GABRA4: variants seen among roughly 807,000 people sequenced by gnomAD.
GABRA4 encodes gamma-aminobutyric acid type A receptor subunit alpha4, also known as gamma-aminobutyric acid receptor subunit alpha-4.
Under a neutral mutation model 49.7 loss-of-function variants are expected in GABRA4, and 12 were observed. The observed-to-expected ratio is 0.24, with a 90% CI of 0.15 to 0.39. The LOEUF (loss-of-function observed/expected upper bound fraction) is 0.39. GABRA4 is among the 10% of genes least tolerant of loss of function. The pLI, the probability that GABRA4 is intolerant of heterozygous loss-of-function variation, is 1.00. For missense variants in GABRA4, 506 were observed against 686.0 expected (o/e 0.74, Z 2.93); for synonymous variants, 288 against 240.2 (o/e 1.20, Z -1.84).
At chr4:46,959,862 G>A (rs1577771057) in intron 8 of GABRA4, among the ~76,000 whole-genome samples, 2 of 149,910 alleles carry the variant, frequency 1.3e-5, no homozygotes, top group South Asian at 4.2e-4. Flanking sequence ...ATGTGTGTGT[G>A]TGAGTGTGTC....
chr4:46,980,525 T>C (rs920938223), intron 2 of GABRA4, among the ~76,000 whole-genome samples: 1 of 152,046 alleles, frequency 6.6e-6, no homozygotes, highest in Non-Finnish European at 1.5e-5. Context: ...AATGAGAAAA[T>C]TCTTTACTGA....
At position 46,962,927 on chromosome 4, in the gene GABRA4, C is replaced by T. The variant is rs969927004; in HGVS notation, c.1134+2043G>A. Reference sequence around the variant, plus strand: ...CATACGCAGAAGAATGAAAATAGACCCCTATCTCTGCCATATACAAGAATC... The same window carrying T: ...CATACGCAGAAGAATGAAAATAGACTCCTATCTCTGCCATATACAAGAATC... On this transcript the variant is annotated intron_variant, in intron 8 of 8. Transcript: ENST00000264318. Among the ~76,000 whole-genome samples the T allele has an allele frequency of 7.9e-5, 12 of 151,770 alleles. No homozygotes were observed. The East Asian group carries it at 2.3e-3, about 30-fold the overall frequency.
At chr4:46,972,958 C>T (rs1406593215) in intron 6 of GABRA4, among the ~76,000 whole-genome samples, 2 of 151,754 alleles carry the variant, frequency 1.3e-5, no homozygotes, top group Non-Finnish European at 1.5e-5. Context: ...CATTTTATCT[C>T]GCAGTCAACA....
rs575804220 is a variant in GABRA4, at chr4:46,919,716, G to A, written c.*8509C>T. 9 of 151,680 alleles carry A rather than the reference G, an allele frequency of 5.9e-5. No individual in the cohort carries two copies. The highest frequency in any genetic ancestry group is 1.7e-4 in the African/African-American group (7 of 41,528). The allele number at this position is 151,680 out of a possible 1,614,324, so 9.4% of individuals were successfully genotyped here. A position where few individuals can be genotyped will look rare whatever the true frequency, so the allele number is the denominator to read the frequency against. On this transcript the variant is annotated 3_prime_UTR_variant, in exon 9 of 9. Coordinates refer to ENST00000264318, the MANE Select transcript of GABRA4 (RefSeq NM_000809.4). ...ATTCCTCAGTTTGTACAACACTTCA[G>A]CTGAGAAATCAAAGAAAAGCTTTAT...
intron 8 of GABRA4, among the ~76,000 whole-genome samples, chr4:46,930,155 G>C (rs1721379323): frequency 6.6e-6 from 1 of 152,030 alleles, no homozygotes; most frequent in South Asian, 2.1e-4. Flanking sequence ...CATTCGTCAT[G>C]TCAGCTTGTA....
intron 8 of GABRA4, 151 bp downstream of exon 8, chr4:46,964,819 A>T: frequency 1.3e-6 from 1 of 776,100 alleles, no homozygotes; most frequent in Non-Finnish European, 2.0e-6. Context: ...CATAAAGTTT[A>T]AGCTCATACA....
chr4:46,959,829 T>G (rs537064843), intron 8 of GABRA4, among the ~76,000 whole-genome samples: 1 of 134,772 alleles, frequency 7.4e-6, no homozygotes, highest in South Asian at 2.3e-4. Flanking sequence ...TATATATATA[T>G]ATATATGTGT....
intron 3 of GABRA4, among the ~76,000 whole-genome samples, chr4:46,978,716 A>AAAAG (rs1244231326): frequency 6.7e-6 from 1 of 149,592 alleles, no homozygotes; most frequent in African/African-American, 2.4e-5. Context: ...AAAAAAAAGA[A>AAAAG]AAAGAAAGAA....
At chr4:46,959,922 TTAG>T (rs1722513564) in intron 8 of GABRA4, among the ~76,000 whole-genome samples, 1 of 150,848 alleles carries the variant, frequency 6.6e-6, no homozygotes, top group Non-Finnish European at 1.5e-5. Flanking sequence ...TTGAGGAGTG[TTAG>T]TAGCTACATG....
rs1237521338 is a variant in GABRA4, at chr4:46,964,376, ATAACT to A, written c.1134+589_1134+593del. ...CACAACAGAGCAACTATAGCCAATA[ATAACT>A]TAATTTTACATTTTGAAATAACTTA... On this transcript the variant is annotated intron_variant, in intron 8 of 8. Coordinates refer to ENST00000264318, the MANE Select transcript of GABRA4 (RefSeq NM_000809.4). Among the ~76,000 whole-genome samples, 4 of 151,958 alleles carry A rather than the reference ATAACT, an allele frequency of 2.6e-5. No individual in the cohort carries two copies. The East Asian group carries it at 7.8e-4, about 30-fold the overall frequency.
At chr4:46,974,450 A>G (rs1429879367) in intron 5 of GABRA4, 75 bp from the exon 6 acceptor site, 2 of 1,346,500 alleles carry the variant, frequency 1.5e-6, no homozygotes, top group Non-Finnish European at 2.0e-6. Context: ...ACTTAAAAAC[A>G]GTACTTGTTC....
chr4:46,952,593 G>C (rs569535971), intron 8 of GABRA4, among the ~76,000 whole-genome samples: 23 of 152,178 alleles, frequency 1.5e-4, no homozygotes, highest in African/African-American at 5.1e-4. Context: ...GAGATTTAGC[G>C]ATGTATATTA....
At chr4:46,955,494 G>C (rs141106149) in intron 8 of GABRA4, among the ~76,000 whole-genome samples, 2 of 151,590 alleles carry the variant, frequency 1.3e-5, no homozygotes, top group Non-Finnish European at 2.9e-5. Context: ...TTACTTTTTC[G>C]CATTTCAAAG....
chr4:46,943,455 C>T (rs1430306972), intron 8 of GABRA4, among the ~76,000 whole-genome samples: 1 of 152,120 alleles, frequency 6.6e-6, no homozygotes, highest in Non-Finnish European at 1.5e-5. Context: ...CCTTTTATCT[C>T]TCTACTCTTC....
chr4:46,922,852 G>A lies in GABRA4; in HGVS notation c.*5373C>T, dbSNP rs570724764. On this transcript the variant is annotated 3_prime_UTR_variant, in exon 9 of 9. Transcript: ENST00000264318. ...AAAGAATACTGTAAATAGTTACAGA[G>A]CAGTGGTCCCCAACCCCTGGGCCAC... 2.0e-5 allele frequency: 3 copies of A among 152,256 alleles called. No individual in the cohort carries two copies. In the East Asian group the frequency reaches 5.8e-4, roughly 29 times the overall value. The allele number at this position is 152,256 out of a possible 1,614,324, so 9.4% of individuals were successfully genotyped here. A position where few individuals can be genotyped will look rare whatever the true frequency, so the allele number is the denominator to read the frequency against.
rs762750972 is a variant in GABRA4, at chr4:46,928,568, G to T, written c.1322C>A (p.Ala441Glu). Reference protein sequence around the residue: ...SSPNPFSRANAAETISAARAL... With the variant: ...SSPNPFSRANEAETISAARAL... ...TCTTGCTGCAGATATGGTTTCAGCT[G>T]CATTTGCACGGCTGAATGGGTTTGG... The change falls in exon 9 of 9, where the codon GCA becomes GAA. Residue 441 changes from alanine to glutamate, a missense_variant. By Grantham distance (107) the Ala-to-Glu change is moderately radical. This residue lies in a region of GABRA4 where 243 missense variants were observed against 210.8 expected (regional missense o/e 1.15). Transcript: ENST00000264318. The T allele has an allele frequency of 6.2e-7, 1 of 1,613,708 alleles. No homozygotes were observed. Among genetic ancestry groups the T allele is most frequent in the South Asian group, 1.1e-5 (1 of 91,074 alleles).
At chr4:46,962,031 T>C (rs1347760594) in intron 8 of GABRA4, among the ~76,000 whole-genome samples, 32 of 151,900 alleles carry the variant, frequency 2.1e-4, no homozygotes, top group Admixed American at 2.1e-3. Context: ...TATTGGGCTT[T>C]CCACATTGTC....
rs1723178932 is a variant in GABRA4, at chr4:46,977,337, GAAGGAAGGAAGA to G, written c.494+61_494+72del. 6.9e-6 allele frequency: 6 copies of G among 872,080 alleles called. No homozygotes were observed. The Admixed American group carries it at 1.4e-4, about 20-fold the overall frequency. 54.0% of individuals were successfully genotyped at this position (872,080 alleles called of 1,614,324 possible). On this transcript the variant is annotated intron_variant, in intron 4 of 8. Coordinates refer to ENST00000264318, the MANE Select transcript of GABRA4 (RefSeq NM_000809.4). ...GGGAGGAAGGGAGGGAGGAAGGAAG[GAAGGAAGGAAGA>G]AAGGAAAGGAAAGAAAGAAAAGAAT...
chr4:46,988,138 A>T (rs1214286151), intron 2 of GABRA4, among the ~76,000 whole-genome samples: 1 of 152,100 alleles, frequency 6.6e-6, no homozygotes, highest in African/African-American at 2.4e-5. Context: ...TGACACCTTT[A>T]AGTCTTAGCT....
Sources: allele counts gnomAD v4.1 joint callset (sites outside exome capture counted in the v4.1 genomes callset), GRCh38; gene constraint gnomAD v4.1.1; regional missense constraint gnomAD v4.1.1; transcripts MANE v1.5; gene names NCBI Gene and HGNC (gene_info 2026-07-23, HGNC 2026-07-21).